Variants in ZBTB21 observed in about 807,000 individuals in gnomAD.
ZBTB21 encodes the protein zinc finger and BTB domain containing 21.
A neutral mutation model predicts 39.8 loss-of-function variants in ZBTB21; 10 were observed. That is an observed-to-expected ratio of 0.25 (90% CI 0.16 to 0.43). The LOEUF is 0.43. Among genes scored for constraint, ZBTB21 ranks in the 20% least tolerant of loss-of-function variants. ZBTB21 has a pLI of 1.00. For missense variants in ZBTB21, 1,221 were observed against 1,296.3 expected (o/e 0.94, Z 0.89); for synonymous variants, 551 against 498.8 (o/e 1.10, Z -1.40).
rs961312089 is a variant in ZBTB21 at position 41,988,760 on chromosome 21, A to T, written c.*2135T>A. 2 of 147,706 alleles carry T rather than the reference A, an allele frequency of 1.4e-5. No individual in the cohort carries two copies. The highest frequency in any genetic ancestry group is 2.0e-4 in the East Asian group (1 of 5,092). The allele number at this position is 147,706 out of a possible 1,614,324, so 9.1% of individuals were successfully genotyped here. A position where few individuals can be genotyped will look rare whatever the true frequency, so the allele number is the denominator to read the frequency against. ...CAGAACCTATGTTTAGATCAAAAAT[A>T]TTTTTTTTTTTTACTGATTAACAAT... On this transcript the variant is annotated 3_prime_UTR_variant, in exon 3 of 3. Transcript: ENST00000310826.
intron 2 of ZBTB21, among the ~76,000 whole-genome samples, chr21:42,001,058 T>C (rs1036725000): frequency 1.3e-5 from 2 of 152,164 alleles, no homozygotes; most frequent in Admixed American, 6.5e-5. Flanking sequence ...ACATCAACCA[T>C]AGGAGGTAGG....
In ZBTB21 at chr21:41,992,573, T is replaced by A; in HGVS notation, c.1523A>T (p.Glu508Val). 1.2e-6 allele frequency: 2 copies of A among 1,614,222 alleles called. No homozygotes were observed. The highest frequency in any genetic ancestry group is 1.7e-6 in the Non-Finnish European group (2 of 1,180,046). The change falls in exon 3 of 3, where the codon GAA becomes GTA. Residue 508 changes from glutamate to valine, a missense_variant. Transcript: ENST00000310826. This position sits in a 1 kb window ranked among gnomAD's most constrained non-coding sequence, Gnocchi z 4.1. ...KVNEHGSPVSEDNFEEGSSPT... is the reference protein window; with the variant it reads ...KVNEHGSPVSVDNFEEGSSPT... The stretch of plus-strand genomic sequence containing the variant: ...GCTTGAGCCTTCCTCAAAATTATCT[T>A]CTGACACAGGAGACCCGTGCTCATT...
chr21:41,989,489 C>G lies in ZBTB21; in HGVS notation c.*1406G>C, dbSNP rs552918946. The G allele has an allele frequency of 1.3e-5, 2 of 152,154 alleles. No individual in the cohort carries two copies. The highest frequency in any genetic ancestry group is 1.3e-4 in the Admixed American group (2 of 15,290). 9.4% of individuals were successfully genotyped at this position (152,154 alleles called of 1,614,324 possible). ...CTTTCTTAAAAGGATTTTGTAGTTT[C>G]GTTTTTTTAATACATCTAACTCCCA... On this transcript the variant is annotated 3_prime_UTR_variant, in exon 3 of 3. Coordinates refer to ENST00000310826, the MANE Select transcript of ZBTB21 (RefSeq NM_001098402.2).
At chr21:42,001,399 C>T (rs573111995) in intron 2 of ZBTB21, among the ~76,000 whole-genome samples, 18 of 152,328 alleles carry the variant, frequency 1.2e-4, no homozygotes, top group African/African-American at 3.1e-4. Context: ...CCCTTCTAGA[C>T]ATGGAAGATA....
chr21:42,007,147 C>G (rs1283956486), intron 1 of ZBTB21, among the ~76,000 whole-genome samples: 1 of 152,232 alleles, frequency 6.6e-6, no homozygotes, highest in Non-Finnish European at 1.5e-5. Context: ...CCCAAGAGGA[C>G]TGAAAGCTAT....
intron 1 of ZBTB21, among the ~76,000 whole-genome samples, chr21:42,006,655 T>C (rs554488437): frequency 2.8e-4 from 43 of 152,212 alleles, no homozygotes; most frequent in Non-Finnish European, 4.0e-4. Flanking sequence ...AAATCTTCCA[T>C]TATGGGTTGA....
chr21:42,009,945 G>T (rs2065939687), intron 1 of ZBTB21, among the ~76,000 whole-genome samples: 1 of 152,228 alleles, frequency 6.6e-6, no homozygotes, highest in Non-Finnish European at 1.5e-5. Flanking sequence ...AGCTCGGCCA[G>T]GGTGAAGAGT....
At chr21:42,008,473 G>A (rs1485536135) in intron 1 of ZBTB21, among the ~76,000 whole-genome samples, 3 of 148,380 alleles carry the variant, frequency 2.0e-5, no homozygotes, top group Admixed American at 6.7e-5. Context: ...CCAGGGAGGC[G>A]GAGGTTGCAG....
Position 41,993,299 on chromosome 21 carries a change from T to C in ZBTB21, c.797A>G (p.Lys266Arg). ...PGVSGQLPKG[K>R]ALELALKRPR... The stretch of plus-strand genomic sequence containing the variant: ...TCTCTTCAAAGCCAGCTCTAGAGCT[T>C]TTCCTTTTGGAAGCTGACCACTCAC... The change falls in exon 3 of 3, where the codon AAA becomes AGA. Residue 266 changes from lysine to arginine, a missense_variant. By Grantham distance (26) the Lys-to-Arg change is conservative. Coordinates refer to ENST00000310826, the MANE Select transcript of ZBTB21 (RefSeq NM_001098402.2). The C allele has an allele frequency of 6.2e-7, 1 of 1,613,240 alleles. No individual in the cohort carries two copies. The highest frequency in any genetic ancestry group is 8.5e-7 in the Non-Finnish European group (1 of 1,179,976).
chr21:42,008,122 T>C (rs1569117121), intron 1 of ZBTB21: 2 of 152,180 alleles, frequency 1.3e-5, no homozygotes, highest in African/African-American at 4.8e-5. Context: ...CTCTTTCCCT[T>C]ATAGCCTATC....
rs1396261331 is a variant in ZBTB21, at chr21:41,987,498, T to C, written c.*3397A>G. ...TTTAGTAGTCAGTGTTAAAGAACAC[T>C]TTTAAAGAGTACGTGTCAGCATTAT... is the stretch of plus-strand genomic sequence containing the variant. On this transcript the variant is annotated 3_prime_UTR_variant, in exon 3 of 3. Coordinates refer to ENST00000310826, the MANE Select transcript of ZBTB21 (RefSeq NM_001098402.2). The C allele has an allele frequency of 1.3e-5, 2 of 152,252 alleles. No homozygotes were observed. Among genetic ancestry groups the C allele is most frequent in the East Asian group, 3.8e-4 (2 of 5,202 alleles). 9.4% of individuals were successfully genotyped at this position (152,252 alleles called of 1,614,324 possible).
At chr21:42,007,362 C>G (rs1021373453) in intron 1 of ZBTB21, among the ~76,000 whole-genome samples, 31 of 152,146 alleles carry the variant, frequency 2.0e-4, no homozygotes, top group Non-Finnish European at 1.3e-4. Context: ...TTTTCTATTC[C>G]TAAAGAAAAT....
Position 41,991,628 on chromosome 21 carries a change from G to A in ZBTB21, c.2468C>T (p.Ser823Phe). 1.2e-6 allele frequency: 2 copies of A among 1,614,202 alleles called. No individual in the cohort carries two copies. The change falls in exon 3 of 3, where the codon TCT (serine) becomes TTT (phenylalanine). Residue 823 changes from serine to phenylalanine, a missense_variant. Transcript: ENST00000310826. The surrounding 1 kb of genome is among the most constrained non-coding windows in gnomAD (Gnocchi z 4.9). ...VLDHNGDVTG[S>F]SRPQSQPEPN... ...CTCAGGCTGGGATTGGGGCCTTGAA[G>A]AACCAGTCACATCACCATTGTGGTC...
Position 41,991,905 on chromosome 21 carries a change from G to C in ZBTB21, c.2191C>G (p.Leu731Val), listed in dbSNP as rs1360851210. The C allele has an allele frequency of 6.2e-7, 1 of 1,614,176 alleles. No homozygotes were observed. Among genetic ancestry groups the C allele is most frequent in the Non-Finnish European group, 8.5e-7 (1 of 1,180,044 alleles). ...CTTCCTTGCTCTAGGAGAGAAGAGA[G>C]CTTAGCATTACAGAGGCGGCACTGG... ...VYQCRLCNAK[L>V]SSLLEQGSHE... Residue 731 changes from leucine (L) to valine (V), a missense_variant, in exon 3 of 3, where the codon CTC becomes GTC. Leu to Val is a conservative substitution (Grantham distance 32). Transcript: ENST00000310826. This position sits in a 1 kb window ranked among gnomAD's most constrained non-coding sequence, Gnocchi z 4.9.
At chr21:41,998,375 T>C (rs58060588) in intron 2 of ZBTB21, among the ~76,000 whole-genome samples, 1,663 of 151,840 alleles carry the variant, frequency 0.011, 33 homozygotes, top group African/African-American at 0.038. Flanking sequence ...TATTTTTATA[T>C]AGTTGGGGTT....
At chr21:42,003,053 T>A (rs2065836724) in intron 1 of ZBTB21, 92 bp from the exon 2 acceptor site, 1 of 152,234 alleles carries the variant, frequency 6.6e-6, no homozygotes, top group Non-Finnish European at 1.5e-5. Context: ...AGTCTATTTG[T>A]CTCAAATCCT....
At chr21:42,000,154 G>A (rs1350458042) in intron 2 of ZBTB21, among the ~76,000 whole-genome samples, 1 of 152,186 alleles carries the variant, frequency 6.6e-6, no homozygotes, top group East Asian at 1.9e-4. Flanking sequence ...GTGGAGTTAA[G>A]TATTCTGCCA....
chr21:41,989,073 ATTTC>A lies in ZBTB21; in HGVS notation c.*1818_*1821del, dbSNP rs760393846. The A allele has an allele frequency of 3.9e-5, 6 of 152,178 alleles. No individual in the cohort carries two copies. Among genetic ancestry groups the A allele is most frequent in the Non-Finnish European group, 5.9e-5 (4 of 67,988 alleles). The allele number at this position is 152,178 out of a possible 1,614,324, so 9.4% of individuals were successfully genotyped here. ...TTAGTTTTATCCTTAAAATGCATAG[ATTTC>A]TTTAAGAAAACAAAGATGGCAAGAA... On this transcript the variant is annotated 3_prime_UTR_variant, in exon 3 of 3. Coordinates refer to ENST00000310826, the MANE Select transcript of ZBTB21 (RefSeq NM_001098402.2).
intron 2 of ZBTB21, among the ~76,000 whole-genome samples, chr21:42,000,299 T>C (rs1279718932): frequency 6.6e-6 from 1 of 152,208 alleles, no homozygotes; most frequent in East Asian, 1.9e-4. Context: ...TTTATGAGCC[T>C]CCATCTCCGC....
Sources: gnomAD v4.1 joint callset for allele counts (sites outside exome capture counted in the v4.1 genomes callset) on GRCh38, gnomAD v4.1.1 for gene constraint, Gnocchi (gnomAD v3.1) non-coding constraint, MANE v1.5 for transcripts, NCBI Gene and HGNC (gene_info 2026-07-23, HGNC 2026-07-21) for gene names.